Variants in HPSE2 observed in about 807,000 individuals in gnomAD.
HPSE2 encodes the protein heparanase 2 (inactive).
HPSE2 carries 38 observed loss-of-function variants against 60.5 expected under a neutral mutation model. The ratio of observed to expected loss-of-function variants is 0.63; its 90% CI spans 0.48 to 0.82. The LOEUF is 0.82. HPSE2 is among the 40% of genes least tolerant of loss of function. The pLI, the probability that HPSE2 is intolerant of heterozygous loss-of-function variation, is 0.00. For synonymous variants in HPSE2, 295 were observed against 293.2 expected (o/e 1.01, Z -0.06); for missense variants, 713 against 740.4 (o/e 0.96, Z 0.43).
chr10:98,937,400 G>C lies in HPSE2; in HGVS notation c.611-193344C>G, dbSNP rs1411406436. On this transcript the variant is annotated intron_variant, in intron 3 of 11. Transcript: ENST00000370552. Reference sequence around the variant, plus strand: ...TCCCACCCTAATACTGCGCTTTTCCGACAGGCTTAAAAAACGGCGCACCAG... The same window carrying C: ...TCCCACCCTAATACTGCGCTTTTCCCACAGGCTTAAAAAACGGCGCACCAG... 9.0e-5 allele frequency among the ~76,000 whole-genome samples: 13 copies of C among 144,260 alleles called. 2 individuals are homozygous for C. Among genetic ancestry groups the C allele is most frequent in the Non-Finnish European group, 1.9e-4 (13 of 67,210 alleles). 94.6% of individuals were successfully genotyped at this position (144,260 alleles called of 152,430 possible). A position where few individuals can be genotyped will look rare whatever the true frequency, so the allele number is the denominator to read the frequency against.
At position 98,459,535 on chromosome 10, in the gene HPSE2, C is replaced by T. The variant is rs1301689738; in HGVS notation, c.*39G>A. On this transcript the variant is annotated 3_prime_UTR_variant, in exon 12 of 12. Coordinates refer to ENST00000370552, the MANE Select transcript of HPSE2 (RefSeq NM_021828.5). ...TACTGGAGTGGAGGAGTGGAAGCAG[C>T]CCAGCAGGCCCACTGGTAGCCGTGA... The T allele has an allele frequency of 3.7e-6, 6 of 1,609,634 alleles. No homozygotes were observed. The highest frequency in any genetic ancestry group is 5.1e-6 in the Non-Finnish European group (6 of 1,176,050).
intron 3 of HPSE2, among the ~76,000 whole-genome samples, chr10:98,849,999 C>T (rs1952130836): frequency 6.6e-6 from 1 of 152,194 alleles, no homozygotes; most frequent in Non-Finnish European, 1.5e-5. Context: ...CTGCCTCAGC[C>T]TCCCAAAGTG....
chr10:98,808,460 C>T (rs970900880), intron 3 of HPSE2, among the ~76,000 whole-genome samples: 8 of 152,266 alleles, frequency 5.3e-5, no homozygotes, highest in South Asian at 4.1e-4. Flanking sequence ...CAATAAAATA[C>T]ACTTTCTAGC....
intron 3 of HPSE2, among the ~76,000 whole-genome samples, chr10:98,760,286 T>C (rs2134384456): frequency 6.6e-6 from 1 of 152,174 alleles, no homozygotes; most frequent in South Asian, 2.1e-4. Context: ...CTTGGCAGGT[T>C]TCATTTCTTT....
At chr10:99,006,825 C>T (rs1956905653) in intron 3 of HPSE2, among the ~76,000 whole-genome samples, 2 of 151,810 alleles carry the variant, frequency 1.3e-5, no homozygotes, top group Admixed American at 6.6e-5. Flanking sequence ...ATCGGGGCAG[C>T]CACAAGTCCT....
intron 9 of HPSE2, among the ~76,000 whole-genome samples, chr10:98,533,682 T>A (rs1564946093): frequency 6.6e-6 from 1 of 152,172 alleles, no homozygotes; most frequent in Non-Finnish European, 1.5e-5. Context: ...GCATGAAGCC[T>A]GGGATAGCTC....
intron 3 of HPSE2, among the ~76,000 whole-genome samples, chr10:98,826,265 G>T (rs1951545222): frequency 6.6e-6 from 1 of 152,042 alleles, no homozygotes; most frequent in Non-Finnish European, 1.5e-5. Flanking sequence ...ACTCTGAAAG[G>T]ATTTTATGTC....
intron 3 of HPSE2, among the ~76,000 whole-genome samples, chr10:99,043,877 C>A (rs1390564553): frequency 6.6e-6 from 1 of 151,820 alleles, no homozygotes; most frequent in Non-Finnish European, 1.5e-5. Context: ...TGTAAAGAGA[C>A]CAAATCTATG....
intron 3 of HPSE2, among the ~76,000 whole-genome samples, chr10:99,082,655 T>C (rs1843186506): frequency 6.6e-6 from 1 of 152,238 alleles, no homozygotes; most frequent in African/African-American, 2.4e-5. Context: ...GCTGAGATTT[T>C]ATCATCTTTG....
At position 98,744,061 on chromosome 10, in the gene HPSE2, G is replaced by C. The variant is rs1416967461; in HGVS notation, c.611-5C>G. The C allele has an allele frequency of 1.2e-6, 2 of 1,613,526 alleles. No individual in the cohort carries two copies. The highest frequency in any genetic ancestry group is 1.1e-5 in the South Asian group (1 of 91,042). ...AAAGTTTGTCTAGAGACCTGGCTGGGAAGAAGCAGAGAAAGGCTTGTAACT... is the reference window on the plus strand; with the variant it reads ...AAAGTTTGTCTAGAGACCTGGCTGGCAAGAAGCAGAGAAAGGCTTGTAACT... On this transcript the variant is annotated splice_polypyrimidine_tract_variant and splice_region_variant and intron_variant, in intron 3 of 11. Coordinates refer to ENST00000370552, the MANE Select transcript of HPSE2 (RefSeq NM_021828.5).
At chr10:98,867,793 C>T (rs1952627125) in intron 3 of HPSE2, among the ~76,000 whole-genome samples, 1 of 152,168 alleles carries the variant, frequency 6.6e-6, no homozygotes, top group South Asian at 2.1e-4. Context: ...GGTGCAGTGG[C>T]TCATGCCTGT....
At chr10:98,738,147 G>C (rs899604630) in intron 4 of HPSE2, among the ~76,000 whole-genome samples, 10 of 152,036 alleles carry the variant, frequency 6.6e-5, no homozygotes, top group African/African-American at 2.4e-4. Flanking sequence ...TAGACCAATG[G>C]AACAGAACAG....
chr10:98,828,108 C>T lies in HPSE2; in HGVS notation c.611-84052G>A, dbSNP rs145240760. Among the ~76,000 whole-genome samples the T allele has an allele frequency of 1.5e-3, 223 of 152,248 alleles. 2 individuals carry two copies. Among genetic ancestry groups the T allele is most frequent in the African/African-American group, 5.1e-3 (211 of 41,546 alleles). On this transcript the variant is annotated intron_variant, in intron 3 of 11. Transcript: ENST00000370552. ...GCCTACCCTGCAGATTTAGAGCTTC[C>T]AATCTTTACAATCATATAAGCCAAT...
intron 3 of HPSE2, among the ~76,000 whole-genome samples, chr10:98,752,640 G>A (rs547990010): frequency 6.6e-6 from 1 of 152,132 alleles, no homozygotes; most frequent in East Asian, 1.9e-4. Context: ...AAAGGGTATA[G>A]GGGACATAGA....
chr10:98,987,530 C>G (rs905488031), intron 3 of HPSE2, among the ~76,000 whole-genome samples: 22 of 152,142 alleles, frequency 1.4e-4, no homozygotes, highest in African/African-American at 4.3e-4. Flanking sequence ...AACCCACAGC[C>G]AATATCATAC....
chr10:98,744,823 C>T (rs1429112957), intron 3 of HPSE2, among the ~76,000 whole-genome samples: 1 of 152,154 alleles, frequency 6.6e-6, no homozygotes, highest in African/African-American at 2.4e-5. Context: ...TGGAAAATAG[C>T]TCAGCCTAGT....
chr10:98,662,759 C>G (rs1039938672), intron 6 of HPSE2, among the ~76,000 whole-genome samples: 3 of 152,186 alleles, frequency 2.0e-5, no homozygotes, highest in Non-Finnish European at 4.4e-5. Flanking sequence ...AAAACAATGT[C>G]TAGTCTAGTC....
the HPSE2 span, among the ~76,000 whole-genome samples, chr10:99,259,662 G>C: frequency 6.6e-6 from 1 of 152,094 alleles, no homozygotes; most frequent in African/African-American, 2.4e-5. Context: ...AACAGAAATG[G>C]ACTAGGTAAA....
chr10:99,069,931 C>T (rs545160264), intron 3 of HPSE2, among the ~76,000 whole-genome samples: 5 of 151,988 alleles, frequency 3.3e-5, no homozygotes, highest in Admixed American at 6.6e-5. Flanking sequence ...GGGATATGGG[C>T]AGTGAAACAA....
Sources: allele counts gnomAD v4.1 joint callset (sites outside exome capture counted in the v4.1 genomes callset), GRCh38; gene constraint gnomAD v4.1.1; transcripts MANE v1.5; gene names NCBI Gene and HGNC (gene_info 2026-07-23, HGNC 2026-07-21).